Variants in FSTL4 observed in about 807,000 individuals in gnomAD.
FSTL4 encodes the protein follistatin like 4, also known as follistatin-related protein 4.
Under a neutral mutation model 78.2 loss-of-function variants are expected in FSTL4, and 28 were observed. That is an observed-to-expected ratio of 0.36 (90% CI 0.27 to 0.49). FSTL4 has a LOEUF of 0.49. FSTL4 is among the 20% of genes least tolerant of loss of function. The pLI, the probability that FSTL4 is intolerant of heterozygous loss-of-function variation, is 0.98. For missense variants in FSTL4, 922 were observed against 1,084.9 expected, an observed-to-expected ratio of 0.85 and a Z score of 2.11; for synonymous variants, 422 against 440.5, an observed-to-expected ratio of 0.96 and a Z score of 0.53.
intron 3 of FSTL4, among the ~76,000 whole-genome samples, chr5:133,472,897 C>T (rs1757852621): frequency 6.6e-6 from 1 of 152,202 alleles, no homozygotes; most frequent in South Asian, 2.1e-4. Context: ...AGGGCAATGG[C>T]CTTGGTGCCT....
chr5:133,433,539 A>T (rs1020198706), intron 3 of FSTL4, among the ~76,000 whole-genome samples: 4 of 152,246 alleles, frequency 2.6e-5, no homozygotes, highest in Non-Finnish European at 5.9e-5. Flanking sequence ...TTGCCTACTA[A>T]GTGCCAGGCA....
chr5:133,823,605 C>A, the FSTL4 span, among the ~76,000 whole-genome samples: 1 of 152,202 alleles, frequency 6.6e-6, no homozygotes, highest in Non-Finnish European at 1.5e-5. Context: ...GGACAGAGTG[C>A]CCCTGTCTCC....
chr5:133,552,831 G>A (rs184980546), intron 3 of FSTL4, among the ~76,000 whole-genome samples: 52 of 152,308 alleles, frequency 3.4e-4, no homozygotes, highest in African/African-American at 1.2e-3. Context: ...AGGACCCAAC[G>A]TGACTTTGGG....
At chr5:133,643,827 G>A in the FSTL4 span, among the ~76,000 whole-genome samples, 7 of 152,124 alleles carry the variant, frequency 4.6e-5, no homozygotes, top group Non-Finnish European at 8.8e-5. Context: ...AGAGAAAATC[G>A]AATGAAGCCA....
intron 3 of FSTL4, among the ~76,000 whole-genome samples, chr5:133,546,584 T>C (rs1759579440): frequency 6.6e-6 from 1 of 151,256 alleles, no homozygotes; most frequent in African/African-American, 2.4e-5. Flanking sequence ...CCAGCAATCT[T>C]TTGTTAAGGA....
At chr5:133,641,274 A>ACG in the FSTL4 span, among the ~76,000 whole-genome samples, 64 of 152,174 alleles carry the variant, frequency 4.2e-4, no homozygotes, top group African/African-American at 1.5e-3. Flanking sequence ...AAAAACAAAA[A>ACG]AAAACACGTA....
At chr5:133,704,949 C>A in the FSTL4 span, among the ~76,000 whole-genome samples, 1 of 152,260 alleles carries the variant, frequency 6.6e-6, no homozygotes, top group East Asian at 1.9e-4. Context: ...GGAATTATAA[C>A]TGCAGGTGAC....
Position 133,466,358 on chromosome 5 carries a change from C to T in FSTL4, c.161-65372G>A, listed in dbSNP as rs533640320. Reference sequence around the variant, plus strand: ...GAGATCGAGACCATTCTGGCTAACACGGTGAAACCCCGTCTCTACTAAAAA... The same window carrying T: ...GAGATCGAGACCATTCTGGCTAACATGGTGAAACCCCGTCTCTACTAAAAA... On this transcript the variant is annotated intron_variant, in intron 3 of 15. Transcript: ENST00000265342. 5.0e-4 allele frequency among the ~76,000 whole-genome samples: 76 copies of T among 152,134 alleles called. 1 individual carries two copies. The highest frequency in any genetic ancestry group is 3.4e-3 in the Middle Eastern group (1 of 294).
At chr5:133,535,176 C>T (rs1053844593) in intron 3 of FSTL4, among the ~76,000 whole-genome samples, 2 of 152,162 alleles carry the variant, frequency 1.3e-5, no homozygotes, top group Non-Finnish European at 2.9e-5. Flanking sequence ...AGCACCCTCA[C>T]CAGAAATCAA....
intron 3 of FSTL4, among the ~76,000 whole-genome samples, chr5:133,408,378 T>C (rs926692999): frequency 3.9e-5 from 6 of 152,064 alleles, no homozygotes; most frequent in Admixed American, 2.6e-4. Context: ...GCCCCCAGCC[T>C]CACAAAAAGA....
At chr5:133,686,924 C>T in the FSTL4 span, among the ~76,000 whole-genome samples, 1 of 152,160 alleles carries the variant, frequency 6.6e-6, no homozygotes, top group South Asian at 2.1e-4. Context: ...AAGACTGGTC[C>T]GTCTGGACAG....
chr5:133,403,620 C>T (rs191277269), intron 3 of FSTL4, among the ~76,000 whole-genome samples: 1 of 152,242 alleles, frequency 6.6e-6, no homozygotes, highest in East Asian at 1.9e-4. Flanking sequence ...ATGTGTTGAC[C>T]CGGTAGGGGT....
At chr5:133,795,398 T>C in the FSTL4 span, among the ~76,000 whole-genome samples, 1 of 152,164 alleles carries the variant, frequency 6.6e-6, no homozygotes, top group African/African-American at 2.4e-5. Flanking sequence ...AGCTTGTAAG[T>C]CCACAAGGCT....
chr5:133,785,582 A>G, the FSTL4 span, among the ~76,000 whole-genome samples: 5 of 152,146 alleles, frequency 3.3e-5, no homozygotes, highest in Admixed American at 6.5e-5. Context: ...CAGTTTATGC[A>G]CCCATAAAAT....
At chr5:133,839,488 T>G in the FSTL4 span, among the ~76,000 whole-genome samples, 1 of 152,204 alleles carries the variant, frequency 6.6e-6, no homozygotes, top group Non-Finnish European at 1.5e-5. Flanking sequence ...AAACTTTGTT[T>G]CATCCCCATT....
intron 14 of FSTL4, among the ~76,000 whole-genome samples, chr5:133,208,743 C>T (rs1431338934): frequency 2.0e-5 from 3 of 152,186 alleles, no homozygotes; most frequent in Non-Finnish European, 2.9e-5. Context: ...GTGGTTCCAT[C>T]GTGGCTCACT....
At chr5:133,626,471 T>G in the FSTL4 span, among the ~76,000 whole-genome samples, 4 of 148,878 alleles carry the variant, frequency 2.7e-5, no homozygotes, top group African/African-American at 5.0e-5. Flanking sequence ...CCAAAGTACT[T>G]GGATTACAGG....
Position 133,437,485 on chromosome 5 carries a change from G to GTTTTT in FSTL4, c.161-36504_161-36500dup, listed in dbSNP as rs11401684. 9.8e-4 allele frequency among the ~76,000 whole-genome samples: 93 copies of GTTTTT among 95,352 alleles called. 3 individuals are homozygous for GTTTTT. The highest frequency in any genetic ancestry group is 1.1e-3 in the Admixed American group (9 of 7,952). The allele number at this position is 95,352 out of a possible 152,430, so 62.6% of individuals were successfully genotyped here. ...TGTATATAGTATATAGTAAATAGGT[G>GTTTTT]TTTTTTTTTTTTTTTTTTTTTTGAG... On this transcript the variant is annotated intron_variant, in intron 3 of 15. Coordinates refer to ENST00000265342, the MANE Select transcript of FSTL4 (RefSeq NM_015082.2).
At chr5:133,679,484 C>T in the FSTL4 span, among the ~76,000 whole-genome samples, 1 of 152,062 alleles carries the variant, frequency 6.6e-6, no homozygotes, top group African/African-American at 2.4e-5. Flanking sequence ...TGGTCTTGGA[C>T]CATTTCCTAG....
Sources: gnomAD v4.1 joint callset for allele counts (sites outside exome capture counted in the v4.1 genomes callset) on GRCh38, gnomAD v4.1.1 for gene constraint, MANE v1.5 for transcripts, NCBI Gene and HGNC (gene_info 2026-07-23, HGNC 2026-07-21) for gene names.